MYBPC1: variants seen among roughly 807,000 people sequenced by gnomAD.
MYBPC1 encodes the protein myosin binding protein C1.
Under a neutral mutation model 147.1 loss-of-function variants are expected in MYBPC1, and 52 were observed. The observed-to-expected ratio is 0.35, with a 90% CI of 0.28 to 0.45. The LOEUF is 0.45. Ranked by LOEUF, MYBPC1 falls within the 20% of genes least tolerant of loss-of-function variation. MYBPC1 has a pLI of 1.00. For synonymous variants in MYBPC1, 477 were observed against 475.9 expected, an observed-to-expected ratio of 1.00 and a Z score of -0.03; for missense variants, 1,228 against 1,440.3, an observed-to-expected ratio of 0.85 and a Z score of 2.39.
chr12:101,626,646 T>C (rs1888677262), intron 3 of MYBPC1, among the ~76,000 whole-genome samples: 2 of 152,230 alleles, frequency 1.3e-5, no homozygotes, highest in African/African-American at 4.8e-5. Context: ...AAATCTGTGC[T>C]TCCATTTGGA....
chr12:101,683,338 G>T (rs778804925), intron 30 of MYBPC1, among the ~76,000 whole-genome samples: 4 of 152,078 alleles, frequency 2.6e-5, no homozygotes, highest in Non-Finnish European at 4.4e-5. Flanking sequence ...GCTGAGGCAG[G>T]AGGATCACTT....
chr12:101,642,105 A>C (rs1892174574), intron 10 of MYBPC1, among the ~76,000 whole-genome samples: 1 of 152,196 alleles, frequency 6.6e-6, no homozygotes, highest in Non-Finnish European at 1.5e-5. Flanking sequence ...TTCTAATTAG[A>C]CTTTAAATTT....
intron 3 of MYBPC1, among the ~76,000 whole-genome samples, chr12:101,622,563 C>T (rs537089655): frequency 6.6e-6 from 1 of 151,900 alleles, no homozygotes; most frequent in East Asian, 1.9e-4. Context: ...GGTGAAACCC[C>T]ATCTCCAATA....
chr12:101,609,732 C>T lies in MYBPC1; in HGVS notation c.26-4764C>T, dbSNP rs141896738. On this transcript the variant is annotated intron_variant, in intron 1 of 31. Coordinates refer to ENST00000361466, the MANE Select transcript of MYBPC1 (RefSeq NM_002465.4). ...AGTGCAGAGTGAGTTGGTTCAATGACTCAATTGATACTAAAAGGCAATTCA... is the reference window on the plus strand; with the variant it reads ...AGTGCAGAGTGAGTTGGTTCAATGATTCAATTGATACTAAAAGGCAATTCA... Among the ~76,000 whole-genome samples, 3 of 152,264 alleles carry T rather than the reference C, an allele frequency of 2.0e-5. No homozygotes were observed. The East Asian group carries it at 5.8e-4, about 29-fold the overall frequency.
rs769587334 is a variant in MYBPC1 at position 101,675,308 on chromosome 12, C to A, written c.2826C>A (p.Pro942=). The A allele has an allele frequency of 1.2e-6, 2 of 1,614,006 alleles. No individual in the cohort carries two copies. Among genetic ancestry groups the A allele is most frequent in the Non-Finnish European group, 1.7e-6 (2 of 1,179,958 alleles). Residue 942 remains proline (P), a synonymous_variant, in exon 26 of 32, where the codon CCC becomes CCA. Coordinates refer to ENST00000361466, the MANE Select transcript of MYBPC1 (RefSeq NM_002465.4). ...DIQIIDRPGP[P]QIVKIEDVWG... ...ATCCTGTAGACCGTCCAGGTCCACCCCAAATTGTGAAGATTGAGGATGTCT... is the reference window on the plus strand; with the variant it reads ...ATCCTGTAGACCGTCCAGGTCCACCACAAATTGTGAAGATTGAGGATGTCT...
At chr12:101,648,705 T>A (rs1159243161) in intron 14 of MYBPC1, among the ~76,000 whole-genome samples, 1 of 152,184 alleles carries the variant, frequency 6.6e-6, no homozygotes, top group Non-Finnish European at 1.5e-5. Flanking sequence ...GGGAAAAAAA[T>A]TTAGACTGAG....
intron 1 of MYBPC1, among the ~76,000 whole-genome samples, chr12:101,611,643 G>T (rs988554869): frequency 6.6e-6 from 1 of 152,182 alleles, no homozygotes; most frequent in Admixed American, 6.5e-5. Flanking sequence ...AGGAAGGAAA[G>T]ATCCCTGGCT....
intron 28 of MYBPC1, 127 bp from the exon 29 acceptor site, chr12:101,680,216 G>A (rs1950845429): frequency 8.8e-6 from 8 of 910,690 alleles, no homozygotes; most frequent in Non-Finnish European, 1.4e-5. Flanking sequence ...TCAAGTAAAA[G>A]TCTATCCTTC....
At chr12:101,682,565 G>A in intron 29 of MYBPC1, 39 bp from the exon 30 acceptor site, 2 of 1,575,310 alleles carry the variant, frequency 1.3e-6, no homozygotes, top group Non-Finnish European at 8.7e-7. Flanking sequence ...TGTCAACTGA[G>A]AATAAATAAA....
intron 8 of MYBPC1, 34 bp from the exon 9 acceptor site, chr12:101,634,520 G>T (rs773575400): frequency 1.9e-6 from 3 of 1,543,432 alleles, no homozygotes; most frequent in Admixed American, 3.3e-5. Flanking sequence ...CTCCTTAATG[G>T]GTATTTATGT....
intron 10 of MYBPC1, among the ~76,000 whole-genome samples, chr12:101,640,380 G>A (rs1436131521): frequency 6.6e-6 from 1 of 152,156 alleles, no homozygotes; most frequent in African/African-American, 2.4e-5. Context: ...TGTATTTGAA[G>A]TGTTTACTGT....
At chr12:101,628,012 C>G (rs556382782) in intron 5 of MYBPC1, 2 of 551,910 alleles carry the variant, frequency 3.6e-6, no homozygotes, top group Admixed American at 5.8e-5. Context: ...AAGGATCTAG[C>G]CAAAAATACC....
chr12:101,663,294 T>G, intron 21 of MYBPC1, 132 bp from the exon 22 acceptor site: 1 of 832,176 alleles, frequency 1.2e-6, no homozygotes, highest in Admixed American at 1.8e-5. Flanking sequence ...TCAAGGTGTC[T>G]TAACTGAATT....
chr12:101,660,829 C>T (rs1380268725), intron 19 of MYBPC1, among the ~76,000 whole-genome samples: 2 of 152,058 alleles, frequency 1.3e-5, no homozygotes, highest in Non-Finnish European at 2.9e-5. Context: ...GAGAACCAAG[C>T]CAGAGGGGTT....
In MYBPC1 at chr12:101,653,822, G is replaced by A. The variant is rs147765471; in HGVS notation, c.1767+574G>A. On this transcript the variant is annotated intron_variant, in intron 18 of 31. Transcript: ENST00000361466. ...GAATGATTGGGAGAAATGCAAGTGA[G>A]GGTGAAATGGTAGAGTAGTGCCAGC... 2.1e-3 allele frequency among the ~76,000 whole-genome samples: 320 copies of A among 152,246 alleles called. 3 individuals carry two copies. The highest frequency in any genetic ancestry group is 0.017 in the East Asian group (86 of 5,180).
chr12:101,637,230 A>G (rs1891183234), intron 10 of MYBPC1: 1 of 155,314 alleles, frequency 6.4e-6, no homozygotes, highest in Non-Finnish European at 1.4e-5. Flanking sequence ...ATTGATTATA[A>G]GATGCATTGT....
At chr12:101,677,096 A>C (rs1594065298) in intron 26 of MYBPC1, 139 bp from the exon 27 acceptor site, 1 of 768,822 alleles carries the variant, frequency 1.3e-6, no homozygotes, top group East Asian at 2.7e-5. Flanking sequence ...AACATATATT[A>C]TTACTCTCCA....
At chr12:101,622,941 T>A (rs1306531061) in intron 3 of MYBPC1, among the ~76,000 whole-genome samples, 1 of 152,208 alleles carries the variant, frequency 6.6e-6, no homozygotes, top group African/African-American at 2.4e-5. Flanking sequence ...GCTGCATTCA[T>A]ATGTATTCCT....
rs928278296 is a variant in MYBPC1, at chr12:101,662,470, T to C, written c.2145T>C (p.Tyr715=). 1.2e-6 allele frequency: 2 copies of C among 1,614,234 alleles called. No homozygotes were observed. The highest frequency in any genetic ancestry group is 1.7e-6 in the Non-Finnish European group (2 of 1,180,030). The change falls in exon 21 of 32, where the codon TAT becomes TAC. Residue 715 remains tyrosine (Y), a synonymous_variant. Coordinates refer to ENST00000361466, the MANE Select transcript of MYBPC1 (RefSeq NM_002465.4). The part of the protein sequence containing the change: ...EPKKMIEGVA[Y]EVRIFAVNAI... ...AGAAGATGATTGAAGGTGTGGCCTA[T>C]GAGGTCCGCATCTTTGCAGTCAATG...
Sources: gnomAD v4.1 joint callset for allele counts (sites outside exome capture counted in the v4.1 genomes callset) on GRCh38, gnomAD v4.1.1 for gene constraint, MANE v1.5 for transcripts, NCBI Gene and HGNC (gene_info 2026-07-23, HGNC 2026-07-21) for gene names.